ATL3: variants seen among roughly 807,000 people sequenced by gnomAD.
ATL3 encodes atlastin-3.
ATL3 carries 49 observed loss-of-function variants against 69.5 expected under a neutral mutation model. The ratio of observed to expected loss-of-function variants is 0.71; its 90% CI spans 0.56 to 0.89. The LOEUF (loss-of-function observed/expected upper bound fraction) is 0.89, where lower values mean the gene tolerates loss of function less well. ATL3 is among the 40% of genes least tolerant of loss of function. The pLI, the probability that ATL3 is intolerant of heterozygous loss-of-function variation, is 0.00. For missense variants in ATL3, 606 were observed against 645.7 expected, an observed-to-expected ratio of 0.94 and a Z score of 0.67; for synonymous variants, 214 against 224.1, an observed-to-expected ratio of 0.95 and a Z score of 0.40.
At chr11:63,658,712 A>C in intron 3 of ATL3, 49 bp downstream of exon 3, 1 of 1,548,802 alleles carries the variant, frequency 6.5e-7, no homozygotes, top group Non-Finnish European at 8.7e-7. Context: ...GCTGAAGTTC[A>C]TATTTTGTTG....
chr11:63,667,390 C>T (rs901368051), intron 1 of ATL3, among the ~76,000 whole-genome samples: 4 of 151,182 alleles, frequency 2.6e-5, no homozygotes, highest in Non-Finnish European at 4.4e-5. Flanking sequence ...TGAGCAGTGG[C>T]GTCATTCCTG....
At chr11:63,632,212 A>G (rs771522418) in intron 11 of ATL3, 4 of 644,810 alleles carry the variant, frequency 6.2e-6, no homozygotes, top group Non-Finnish European at 1.2e-5. Context: ...GGCAGAGTCT[A>G]CATAGAACTA....
intron 10 of ATL3, among the ~76,000 whole-genome samples, chr11:63,634,261 C>T (rs916907990): frequency 2.0e-5 from 3 of 151,286 alleles, no homozygotes; most frequent in African/African-American, 7.3e-5. Context: ...AATCCCAGCA[C>T]TTTGGGAGGC....
At chr11:63,666,730 C>T (rs186689940) in intron 1 of ATL3, among the ~76,000 whole-genome samples, 191 of 152,220 alleles carry the variant, frequency 1.3e-3, no homozygotes, top group Middle Eastern at 3.4e-3. Flanking sequence ...GAATCTTAAA[C>T]TCTGGAGATC....
At chr11:63,664,150 G>A (rs1205511872) in intron 1 of ATL3, among the ~76,000 whole-genome samples, 1 of 152,212 alleles carries the variant, frequency 6.6e-6, no homozygotes, top group Non-Finnish European at 1.5e-5. Context: ...ATCAAATACA[G>A]CCAAGCCTAG....
Position 63,626,475 on chromosome 11 carries a change from A to G in ATL3, c.*2844T>C, listed in dbSNP as rs1173218869. On this transcript the variant is annotated 3_prime_UTR_variant, in exon 13 of 13. Transcript: ENST00000398868. ...TTTATCTATGAGCCAATCTTACAGA[A>G]AGATTTCTCAAAGAATGAAAACTCT... 2 of 152,226 alleles carry G rather than the reference A, an allele frequency of 1.3e-5. No individual in the cohort carries two copies. Among genetic ancestry groups the G allele is most frequent in the Admixed American group, 1.3e-4 (2 of 15,288 alleles). The allele number at this position is 152,226 out of a possible 1,614,324, so 9.4% of individuals were successfully genotyped here. A position where few individuals can be genotyped will look rare whatever the true frequency, so the allele number is the denominator to read the frequency against.
intron 3 of ATL3, among the ~76,000 whole-genome samples, chr11:63,656,165 A>C (rs1175341689): frequency 6.6e-6 from 1 of 151,622 alleles, no homozygotes; most frequent in Non-Finnish European, 1.5e-5. Context: ...CGGAGCTTGC[A>C]GTGAGCCGAG....
chr11:63,641,661 A>G (rs1386553407), intron 8 of ATL3, among the ~76,000 whole-genome samples: 1 of 152,136 alleles, frequency 6.6e-6, no homozygotes, highest in Non-Finnish European at 1.5e-5. Context: ...ATCATTTTGG[A>G]CTTCTGGCTC....
Position 63,625,456 on chromosome 11 carries a change from A to T in ATL3, c.*3863T>A, listed in dbSNP as rs1046069175. On this transcript the variant is annotated 3_prime_UTR_variant, in exon 13 of 13. Coordinates refer to ENST00000398868, the MANE Select transcript of ATL3 (RefSeq NM_015459.5). ...CTGTTTTATTAAAGTTTTAATTTTT[A>T]AAAAATTAAAAAATTAAAACTGTTT... The T allele has an allele frequency of 2.6e-5, 4 of 152,174 alleles. No homozygotes were observed. Among genetic ancestry groups the T allele is most frequent in the Admixed American group, 6.5e-5 (1 of 15,282 alleles). 9.4% of individuals were successfully genotyped at this position (152,174 alleles called of 1,614,324 possible).
chr11:63,657,138 A>G (rs1940278501), intron 3 of ATL3, among the ~76,000 whole-genome samples: 1 of 145,376 alleles, frequency 6.9e-6, no homozygotes. Flanking sequence ...TGAACCTGGG[A>G]GGCGGAGACT....
intron 1 of ATL3, among the ~76,000 whole-genome samples, chr11:63,668,577 T>C (rs561272944): frequency 2.6e-5 from 4 of 152,326 alleles, no homozygotes; most frequent in Non-Finnish European, 5.9e-5. Context: ...TGACTAAGGA[T>C]TGTGTAATGC....
intron 1 of ATL3, among the ~76,000 whole-genome samples, chr11:63,663,024 A>G (rs887018356): frequency 1.3e-5 from 2 of 152,186 alleles, no homozygotes; most frequent in Non-Finnish European, 2.9e-5. Context: ...AGCAGACAAA[A>G]CAGTTTGACT....
chr11:63,638,010 TA>T, intron 8 of ATL3, among the ~76,000 whole-genome samples: 1 of 152,338 alleles, frequency 6.6e-6, no homozygotes, highest in East Asian at 1.9e-4. Context: ...ATGTATTACA[TA>T]TCCAAAAAAC....
intron 5 of ATL3, among the ~76,000 whole-genome samples, chr11:63,647,334 C>T (rs561830673): frequency 2.0e-5 from 3 of 152,306 alleles, no homozygotes; most frequent in African/African-American, 7.2e-5. Context: ...GCTGGGATTA[C>T]AGGCATGTGC....
intron 1 of ATL3, among the ~76,000 whole-genome samples, chr11:63,661,201 G>T (rs61928197): frequency 0.12 from 17,512 of 150,332 alleles, 1,139 homozygotes; most frequent in Middle Eastern, 0.17. Flanking sequence ...CAGCCTGGGT[G>T]GCAGAGTGAG....
intron 1 of ATL3, among the ~76,000 whole-genome samples, chr11:63,668,913 T>A (rs1359864125): frequency 6.8e-6 from 1 of 146,004 alleles, no homozygotes; most frequent in Admixed American, 7.1e-5. Context: ...TGCAGCCAAC[T>A]TCCTGGGCTC....
Position 63,629,188 on chromosome 11 carries a change from G to C in ATL3, c.*131C>G. The C allele has an allele frequency of 1.5e-6, 1 of 675,436 alleles. No individual in the cohort carries two copies. The allele number at this position is 675,436 out of a possible 1,614,324, so 41.8% of individuals were successfully genotyped here. ...AGGAGAGGTCTGCTCATTTATTACAGGGCCATGTTTTAGCTCTTCCTGGAT... is the reference window on the plus strand; with the variant it reads ...AGGAGAGGTCTGCTCATTTATTACACGGCCATGTTTTAGCTCTTCCTGGAT... On this transcript the variant is annotated 3_prime_UTR_variant, in exon 13 of 13. Transcript: ENST00000398868.
intron 5 of ATL3, among the ~76,000 whole-genome samples, chr11:63,647,481 C>T (rs1361545183): frequency 1.3e-5 from 2 of 152,210 alleles, no homozygotes; most frequent in African/African-American, 4.8e-5. Context: ...GCGTGAGCCA[C>T]CACACCCAGT....
intron 5 of ATL3, among the ~76,000 whole-genome samples, chr11:63,647,046 A>G (rs574890525): frequency 3.9e-5 from 6 of 152,222 alleles, no homozygotes; most frequent in Non-Finnish European, 8.8e-5. Flanking sequence ...TCCTCCCACT[A>G]ACTATAAGTT....
Sources: gnomAD v4.1 joint callset for allele counts (sites outside exome capture counted in the v4.1 genomes callset) on GRCh38, gnomAD v4.1.1 for gene constraint, MANE v1.5 for transcripts, NCBI Gene and HGNC (gene_info 2026-07-23, HGNC 2026-07-21) for gene names.